The following CCDC7 variants were observed in gnomAD, a reference collection of about 807,000 sequenced individuals.
CCDC7 encodes coiled-coil domain-containing protein 7.
Under a neutral mutation model 196.9 loss-of-function variants are expected in CCDC7, and 183 were observed. The observed-to-expected ratio is 0.93, with a 90% confidence interval of 0.82 to 1.05. The LOEUF (loss-of-function observed/expected upper bound fraction) is 1.05, where lower values mean the gene tolerates loss of function less well. CCDC7 is among the 50% of genes least tolerant of loss of function. CCDC7 has a pLI of 0.00. For missense variants in CCDC7, 1,540 were observed against 1,482.2 expected, an observed-to-expected ratio of 1.04 and a Z score of -0.64; for synonymous variants, 525 against 484.6, an observed-to-expected ratio of 1.08 and a Z score of -1.10.
intron 5 of CCDC7, among the ~76,000 whole-genome samples, chr10:32,464,638 T>G (rs1228184014): frequency 6.6e-6 from 1 of 152,064 alleles, no homozygotes; most frequent in Non-Finnish European, 1.5e-5. Context: ...GCCTCTCAAG[T>G]AGCTGGGACC....
intron 25 of CCDC7, among the ~76,000 whole-genome samples, chr10:32,724,372 G>A (rs1204448556): frequency 2.0e-5 from 3 of 152,222 alleles, no homozygotes; most frequent in African/African-American, 4.8e-5. Context: ...CTTTGTCAGA[G>A]AGAGAGCTGC....
In CCDC7 at chr10:32,824,529, C is replaced by T. The variant is rs769791393; in HGVS notation, c.3193C>T (p.Arg1065Ter). The change falls in exon 32 of 42, where the codon CGA (arginine) becomes TGA (stop). Residue 1065 changes from arginine (R) to a stop codon, truncating the protein, a stop_gained. Transcript: ENST00000639629. LOFTEE classifies it high-confidence loss of function. ...TTACTTTTTTATAGAGACTGATGAA[C>T]GATTGCATAGTACAACTGAGAGAGG... 16 of 1,604,956 alleles carry T rather than the reference C, an allele frequency of 1.0e-5. No homozygotes were observed. Among genetic ancestry groups the T allele is most frequent in the African/African-American group, 6.7e-5 (5 of 74,622 alleles).
intron 29 of CCDC7, among the ~76,000 whole-genome samples, chr10:32,781,195 C>G (rs191886665): frequency 6.6e-6 from 1 of 152,140 alleles, no homozygotes; most frequent in African/African-American, 2.4e-5. Context: ...AAATCCAGGA[C>G]CAGACGACTT....
intron 28 of CCDC7, among the ~76,000 whole-genome samples, chr10:32,771,135 T>C (rs76192434): frequency 6.6e-6 from 1 of 152,168 alleles, no homozygotes; most frequent in Non-Finnish European, 1.5e-5. Flanking sequence ...TGTTACCTGA[T>C]TTTTTAAATT....
At chr10:32,870,628 A>G (rs1159882552) in intron 41 of CCDC7, among the ~76,000 whole-genome samples, 1 of 152,080 alleles carries the variant, frequency 6.6e-6, no homozygotes, top group African/African-American at 2.4e-5. Flanking sequence ...AACTTCCAAC[A>G]CTATGTTGAA....
chr10:32,542,036 G>C (rs931073779), intron 11 of CCDC7, among the ~76,000 whole-genome samples: 1 of 152,152 alleles, frequency 6.6e-6, no homozygotes, highest in African/African-American at 2.4e-5. Context: ...TCGGCCTACA[G>C]GGTCAATGTT....
intron 13 of CCDC7, among the ~76,000 whole-genome samples, chr10:32,556,196 A>T (rs2054311707): frequency 6.6e-6 from 1 of 152,214 alleles, no homozygotes. Context: ...CTCCCTGTGT[A>T]TAAAATTCAA....
chr10:32,826,153 T>C (rs1365506439), intron 32 of CCDC7, among the ~76,000 whole-genome samples: 1 of 152,166 alleles, frequency 6.6e-6, no homozygotes, highest in African/African-American at 2.4e-5. Context: ...ACATCCCTGT[T>C]TGCTTCTAGA....
intron 30 of CCDC7, among the ~76,000 whole-genome samples, chr10:32,807,168 C>T (rs1241861165): frequency 6.6e-6 from 1 of 152,062 alleles, no homozygotes; most frequent in Non-Finnish European, 1.5e-5. Context: ...CTAACTTGAA[C>T]CCATAAAACG....
chr10:32,518,436 T>G (rs758828140), exon 11 of CCDC7: 20 of 1,603,968 alleles, frequency 1.2e-5, no homozygotes, highest in Middle Eastern at 1.7e-4. Context: ...AGATGCAGTG[T>G]GATTTTCAGT....
At chr10:32,484,655 T>A (rs2040648760) in intron 8 of CCDC7, among the ~76,000 whole-genome samples, 1 of 152,218 alleles carries the variant, frequency 6.6e-6, no homozygotes, top group South Asian at 2.1e-4. Flanking sequence ...GCTCTTATTA[T>A]TTTGAGATAT....
At chr10:32,732,697 CT>C (rs1256329201) in intron 28 of CCDC7, among the ~76,000 whole-genome samples, 1 of 151,980 alleles carries the variant, frequency 6.6e-6, no homozygotes, top group Non-Finnish European at 1.5e-5. Context: ...TTAGAGCATT[CT>C]TATGTTCACA....
intron 24 of CCDC7, among the ~76,000 whole-genome samples, chr10:32,707,607 A>G (rs2080018416): frequency 6.6e-6 from 1 of 152,254 alleles, no homozygotes; most frequent in African/African-American, 2.4e-5. Flanking sequence ...TAAGCTGATA[A>G]GCAACTTCAG....
intron 41 of CCDC7, among the ~76,000 whole-genome samples, chr10:32,871,052 TTC>T (rs2094409456): frequency 1.3e-5 from 2 of 152,202 alleles, no homozygotes; most frequent in African/African-American, 2.4e-5. Flanking sequence ...TGGTCTAAAA[TTC>T]TCTTTTTTTG....
At chr10:32,518,623 T>C (rs2047419553) in intron 11 of CCDC7, 118 bp downstream of exon 12, 2 of 754,244 alleles carry the variant, frequency 2.7e-6, no homozygotes, top group Non-Finnish European at 3.7e-6. Flanking sequence ...TAATAATTCG[T>C]AGCAGCTATG....
At chr10:32,851,895 A>T in exon 40 of CCDC7, 2 of 1,610,452 alleles carry the variant, frequency 1.2e-6, no homozygotes, top group Non-Finnish European at 1.7e-6. Context: ...GCTTTTCTAA[A>T]GACATCCACC....
intron 23 of CCDC7, among the ~76,000 whole-genome samples, chr10:32,691,050 A>G (rs763181926): frequency 1.4e-4 from 21 of 152,102 alleles, no homozygotes; most frequent in Middle Eastern, 3.2e-3. Context: ...TAGAAATGCA[A>G]TTTCTTCCCA....
intron 24 of CCDC7, among the ~76,000 whole-genome samples, chr10:32,703,809 G>A (rs2079190676): frequency 6.6e-6 from 1 of 151,982 alleles, no homozygotes; most frequent in Admixed American, 6.6e-5. Flanking sequence ...GATCGAATCA[G>A]CTACTGAGGC....
chr10:32,522,303 G>A (rs1214440619), intron 11 of CCDC7, among the ~76,000 whole-genome samples: 1 of 152,094 alleles, frequency 6.6e-6, no homozygotes, highest in Non-Finnish European at 1.5e-5. Flanking sequence ...ACTGGGTCCT[G>A]GGCTTTCCTT....
Sources: gnomAD v4.1 joint callset for allele counts (sites outside exome capture counted in the v4.1 genomes callset) on GRCh38, gnomAD v4.1.1 for gene constraint, MANE v1.5 for transcripts, NCBI Gene and HGNC (gene_info 2026-07-23, HGNC 2026-07-21) for gene names.